The following POFUT3 variants were observed in gnomAD, a reference collection of about 807,000 sequenced individuals.
POFUT3 encodes protein O-fucosyltransferase 3, also known as GDP-fucose protein O-fucosyltransferase 3.
chr8:33,452,687 AACACAC>A, the POFUT3 span: 33,126 of 148,140 alleles, frequency 0.22, 3,621 homozygotes, highest in Non-Finnish European at 0.25. Context: ...TTGTTACACA[AACACAC>A]ACACACACAC....
chr8:33,410,965 G>C, the POFUT3 span, among the ~76,000 whole-genome samples: 1 of 152,020 alleles, frequency 6.6e-6, no homozygotes. Context: ...CACTCACTCG[G>C]GTTTCCTATC....
chr8:33,336,673 G>C, the POFUT3 span, among the ~76,000 whole-genome samples: 1 of 152,076 alleles, frequency 6.6e-6, no homozygotes, highest in Admixed American at 6.6e-5. Context: ...GCCAGCTCTT[G>C]GCCAGGTCAG....
chr8:33,313,281 A>C, the POFUT3 span, among the ~76,000 whole-genome samples: 1 of 152,202 alleles, frequency 6.6e-6, no homozygotes, highest in African/African-American at 2.4e-5. Context: ...TACAAACAGT[A>C]CTTGCTTGCA....
the POFUT3 span, among the ~76,000 whole-genome samples, chr8:33,348,616 G>A: frequency 6.6e-6 from 1 of 152,320 alleles, no homozygotes; most frequent in Non-Finnish European, 1.5e-5. Context: ...AAGAAGAAGA[G>A]TAATAGCCTT....
the POFUT3 span, among the ~76,000 whole-genome samples, chr8:33,406,066 G>A: frequency 2.6e-5 from 4 of 151,940 alleles, no homozygotes; most frequent in East Asian, 3.9e-4. Context: ...AGAAATAATC[G>A]CACATATGAG....
the POFUT3 span, among the ~76,000 whole-genome samples, chr8:33,347,204 C>T: frequency 1.3e-5 from 2 of 152,326 alleles, no homozygotes; most frequent in Admixed American, 1.3e-4. Context: ...GCAATCAACA[C>T]TCTGAGCTGA....
chr8:33,394,691 TC>T, the POFUT3 span, among the ~76,000 whole-genome samples: 1 of 151,782 alleles, frequency 6.6e-6, no homozygotes, highest in East Asian at 1.9e-4. Flanking sequence ...AAAAAACATC[TC>T]CACCTTAATG....
chr8:33,404,060 G>A, the POFUT3 span, among the ~76,000 whole-genome samples: 7 of 152,072 alleles, frequency 4.6e-5, no homozygotes, highest in Admixed American at 1.3e-4. Flanking sequence ...GTTCCAGGCC[G>A]GGCGCGGTAG....
At chr8:33,441,526 G>T in the POFUT3 span, among the ~76,000 whole-genome samples, 1 of 151,534 alleles carries the variant, frequency 6.6e-6, no homozygotes, top group Admixed American at 6.6e-5. Context: ...GACTATAGGT[G>T]TGCACCACCA....
At chr8:33,443,581 C>A in the POFUT3 span, among the ~76,000 whole-genome samples, 2 of 152,170 alleles carry the variant, frequency 1.3e-5, no homozygotes, top group African/African-American at 4.8e-5. Flanking sequence ...CAACCTCTGC[C>A]TCCCGGGTTC....
the POFUT3 span, among the ~76,000 whole-genome samples, chr8:33,420,261 G>C: frequency 6.6e-6 from 1 of 152,148 alleles, no homozygotes; most frequent in African/African-American, 2.4e-5. Context: ...AAATTTAAGA[G>C]AGAATTATTA....
the POFUT3 span, among the ~76,000 whole-genome samples, chr8:33,403,698 C>T: frequency 2.6e-4 from 39 of 151,936 alleles, no homozygotes; most frequent in Middle Eastern, 6.8e-3. Flanking sequence ...TCCCAGCCTG[C>T]GTGGGAGAGT....
At chr8:33,338,733 C>G in the POFUT3 span, 1 of 152,146 alleles carries the variant, frequency 6.6e-6, no homozygotes, top group Non-Finnish European at 1.5e-5. Flanking sequence ...CGGGTGTCAT[C>G]AAAAGCCAAG....
the POFUT3 span, among the ~76,000 whole-genome samples, chr8:33,469,857 T>C: frequency 2.3e-5 from 3 of 130,286 alleles, no homozygotes; most frequent in Non-Finnish European, 4.6e-5. Context: ...CAGGCTGGAG[T>C]GTAGTGGCAC....
chr8:33,432,276 G>A, the POFUT3 span, among the ~76,000 whole-genome samples: 1 of 151,836 alleles, frequency 6.6e-6, no homozygotes, highest in South Asian at 2.1e-4. Context: ...CAGGCATGAT[G>A]GGCACCTGTA....
chr8:33,310,524 A>G, the POFUT3 span, among the ~76,000 whole-genome samples: 1 of 152,060 alleles, frequency 6.6e-6, no homozygotes, highest in Admixed American at 6.6e-5. Flanking sequence ...AGCTATGGCC[A>G]ACATGGCAAA....
chr8:33,318,228 G>A, the POFUT3 span, among the ~76,000 whole-genome samples: 2 of 151,716 alleles, frequency 1.3e-5, no homozygotes, highest in Non-Finnish European at 2.9e-5. Context: ...ATTTTCGTCT[G>A]AAGTTTAAAC....
At chr8:33,335,471 G>T in the POFUT3 span, among the ~76,000 whole-genome samples, 7 of 152,202 alleles carry the variant, frequency 4.6e-5, no homozygotes, top group East Asian at 1.4e-3. Context: ...AATGAATAAG[G>T]CAACAGTGAA....
At chr8:33,445,381 A>AAAGCT in the POFUT3 span, among the ~76,000 whole-genome samples, 295 of 152,314 alleles carry the variant, frequency 1.9e-3, no homozygotes, top group Non-Finnish European at 3.3e-3. Flanking sequence ...TTTCCAAAAT[A>AAAGCT]AAGCTAACCT....
Sources: allele counts gnomAD v4.1 joint callset (sites outside exome capture counted in the v4.1 genomes callset), GRCh38; gene constraint gnomAD v4.1.1; transcripts MANE v1.5; gene names NCBI Gene and HGNC (gene_info 2026-07-23, HGNC 2026-07-21).